Variants in ETFA observed in about 807,000 individuals in gnomAD.
ETFA encodes electron transfer flavoprotein subunit alpha.
Under a neutral mutation model 46.2 loss-of-function variants are expected in ETFA, and 22 were observed. The observed-to-expected ratio is 0.48, with a 90% confidence interval of 0.34 to 0.68. The LOEUF (loss-of-function observed/expected upper bound fraction) is 0.68, where lower values mean the gene tolerates loss of function less well. Among genes scored for constraint, ETFA ranks in the 30% least tolerant of loss-of-function variants. The probability of loss-of-function intolerance (pLI) is 0.01; values close to 1 mark genes in which losing one functional copy is unlikely to be tolerated. For missense variants in ETFA, 345 were observed against 401.1 expected, an observed-to-expected ratio of 0.86 and a Z score of 1.19; for synonymous variants, 131 against 139.9, an observed-to-expected ratio of 0.94 and a Z score of 0.45.
intron 1 of ETFA, chr15:76,310,053 GA>G (rs2039976190): frequency 1.1e-5 from 1 of 92,634 alleles, no homozygotes; most frequent in African/African-American, 4.0e-5. Context: ...GTAACATGGG[GA>G]AACCCCGTCT....
chr15:76,261,444 C>A (rs2141495891), intron 9 of ETFA: 2 of 955,538 alleles, frequency 2.1e-6, no homozygotes, highest in East Asian at 4.8e-5. Flanking sequence ...TGAACCAGTT[C>A]TGGACCACAG....
Position 76,274,469 on chromosome 15 carries a change from A to G in ETFA, c.759T>C (p.Asp253=), listed in dbSNP as rs142970498. 32 of 1,612,684 alleles carry G rather than the reference A, an allele frequency of 2.0e-5. No homozygotes were observed. Among genetic ancestry groups the G allele is most frequent in the Non-Finnish European group, 2.6e-5 (31 of 1,179,322 alleles). Residue 253 remains aspartate, a synonymous_variant, in exon 9 of 12, where the codon GAT becomes GAC. Coordinates refer to ENST00000557943, the MANE Select transcript of ETFA (RefSeq NM_000126.4). ...AAVGASRAAV[D]AGFVPNDMQV... is the part of the protein sequence containing the mutation. ...GCATGTCATTGGGAACAAAGCCAGCATCAACAGCAGCACGGGAAGCACCAA... is the reference window on the plus strand; with the variant it reads ...GCATGTCATTGGGAACAAAGCCAGCGTCAACAGCAGCACGGGAAGCACCAA...
At chr15:76,260,107 T>C (rs1389456022) in intron 9 of ETFA, 1 of 1,487,940 alleles carries the variant, frequency 6.7e-7, no homozygotes, top group African/African-American at 1.4e-5. Flanking sequence ...CAGCTGGGCC[T>C]ACCGCACTGA....
At chr15:76,260,832 G>A (rs1454256567) in intron 9 of ETFA, 6 of 1,610,776 alleles carry the variant, frequency 3.7e-6, no homozygotes, top group Non-Finnish European at 5.1e-6. Context: ...GCTGTAGCTG[G>A]TGGCAGGCAC....
chr15:76,243,301 T>A (rs745492192), intron 9 of ETFA, among the ~76,000 whole-genome samples: 1 of 149,568 alleles, frequency 6.7e-6, no homozygotes, highest in Non-Finnish European at 1.5e-5. Flanking sequence ...AGAAAAAAAA[T>A]CGTTAAAACG....
intron 9 of ETFA, among the ~76,000 whole-genome samples, chr15:76,263,283 T>G (rs1477911566): frequency 3.3e-5 from 5 of 152,182 alleles, no homozygotes; most frequent in Admixed American, 3.3e-4. Flanking sequence ...CGCCGGACTT[T>G]GTAGCCCCCA....
rs1344189442 is a variant in ETFA, at chr15:76,262,478, T to C, written c.816+11934A>G. Among the ~76,000 whole-genome samples, 10 of 90,070 alleles carry C rather than the reference T, an allele frequency of 1.1e-4. No individual in the cohort carries two copies. In the East Asian group the frequency reaches 4.1e-3, roughly 37 times the overall value. 59.1% of individuals were successfully genotyped at this position (90,070 alleles called of 152,430 possible). On this transcript the variant is annotated intron_variant, in intron 9 of 11. Coordinates refer to ENST00000557943, the MANE Select transcript of ETFA (RefSeq NM_000126.4). Reference sequence around the variant, plus strand: ...GGTATACCATAATCAAACCCCCTTTTTTTTTTTTTTTTTTTTTTTTTTGAG... The same window carrying C: ...GGTATACCATAATCAAACCCCCTTTCTTTTTTTTTTTTTTTTTTTTTTGAG...
intron 9 of ETFA, among the ~76,000 whole-genome samples, chr15:76,251,604 G>A (rs940841795): frequency 2.6e-5 from 4 of 152,118 alleles, no homozygotes; most frequent in African/African-American, 9.7e-5. Context: ...TAGTCATTCC[G>A]CACAGGTGTA....
chr15:76,227,069 G>C (rs995522134), intron 10 of ETFA, among the ~76,000 whole-genome samples: 5 of 151,962 alleles, frequency 3.3e-5, no homozygotes, highest in Non-Finnish European at 7.4e-5. Context: ...TCTTATAAAA[G>C]CTGTCAAACA....
At chr15:76,307,575 T>C (rs11634060) in intron 1 of ETFA, among the ~76,000 whole-genome samples, 42,990 of 151,620 alleles carry the variant, frequency 0.28, 6,534 homozygotes, top group East Asian at 0.58. Context: ...CAGCCTCAAA[T>C]GCCCAGGTTC....
At chr15:76,273,533 T>A (rs1398934644) in intron 9 of ETFA, among the ~76,000 whole-genome samples, 1 of 151,546 alleles carries the variant, frequency 6.6e-6, no homozygotes, top group Non-Finnish European at 1.5e-5. Context: ...CCAGCCTGGG[T>A]GACAGAGCAA....
At chr15:76,245,122 ACTT>A (rs2039231919) in intron 9 of ETFA, 1 of 152,164 alleles carries the variant, frequency 6.6e-6, no homozygotes, top group Non-Finnish European at 1.5e-5. Context: ...AAATTCTACA[ACTT>A]CTTCTTTGTC....
chr15:76,292,564 T>C (rs746910659), intron 3 of ETFA, 51 bp from the exon 4 acceptor site: 1 of 1,582,344 alleles, frequency 6.3e-7, no homozygotes, highest in Non-Finnish European at 8.7e-7. Context: ...ACTTTCATAT[T>C]CATATATTCA....
At chr15:76,289,291 T>A (rs2039734684) in intron 4 of ETFA, among the ~76,000 whole-genome samples, 1 of 152,146 alleles carries the variant, frequency 6.6e-6, no homozygotes, top group Non-Finnish European at 1.5e-5. Context: ...AAAGCTAGCT[T>A]CAGTAAGTAA....
intron 3 of ETFA, 25 bp from the exon 4 acceptor site, chr15:76,292,538 A>G: frequency 1.2e-6 from 2 of 1,604,038 alleles, no homozygotes; most frequent in South Asian, 2.2e-5. Context: ...CATTTGATAA[A>G]AAAATATTTT....
chr15:76,296,807 C>A lies in ETFA; in HGVS notation c.40-1070G>T, dbSNP rs568937553. 1.1e-4 allele frequency among the ~76,000 whole-genome samples: 17 copies of A among 152,224 alleles called. No homozygotes were observed. The South Asian group carries it at 3.5e-3, about 32-fold the overall frequency. On this transcript the variant is annotated intron_variant, in intron 1 of 11. Coordinates refer to ENST00000557943, the MANE Select transcript of ETFA (RefSeq NM_000126.4). The stretch of plus-strand genomic sequence containing the variant: ...ACAAGAATGGTCCCTGTATATTTCA[C>A]AGGAAATTAGACTTGTTCATATACA...
intron 9 of ETFA, among the ~76,000 whole-genome samples, chr15:76,243,868 ATTATTATTATTATTG>A (rs972022398): frequency 9.2e-5 from 14 of 151,820 alleles, no homozygotes; most frequent in African/African-American, 3.4e-4. Context: ...CGTTCTCAAA[ATTATTATTATTATTG>A]TTATTATTAT....
At chr15:76,250,819 G>A (rs1315512203) in intron 9 of ETFA, among the ~76,000 whole-genome samples, 1 of 151,906 alleles carries the variant, frequency 6.6e-6, no homozygotes, top group Non-Finnish European at 1.5e-5. Flanking sequence ...TTACAGGTGT[G>A]AGCCACCCAC....
intron 8 of ETFA, among the ~76,000 whole-genome samples, chr15:76,277,512 A>C (rs77268993): frequency 0.26 from 39,747 of 151,842 alleles, 5,870 homozygotes; most frequent in East Asian, 0.58. Flanking sequence ...AACAAAAAAA[A>C]AAAACAAAAA....
Sources: gnomAD v4.1 joint callset for allele counts (sites outside exome capture counted in the v4.1 genomes callset) on GRCh38, gnomAD v4.1.1 for gene constraint, MANE v1.5 for transcripts, NCBI Gene and HGNC (gene_info 2026-07-23, HGNC 2026-07-21) for gene names.